The following TRPM7 variants were observed in gnomAD, a reference collection of about 807,000 sequenced individuals.
TRPM7 encodes LTRPC ion channel family member 7.
In TRPM7, 134 loss-of-function variants were observed where a neutral mutation model predicts 229.7. That is an observed-to-expected ratio of 0.58 (90% CI 0.51 to 0.67). TRPM7 has a LOEUF of 0.67. Ranked by LOEUF, TRPM7 falls within the 30% of genes least tolerant of loss-of-function variation. The pLI is 0.00. For synonymous variants in TRPM7, 699 were observed against 715.2 expected, an observed-to-expected ratio of 0.98 and a Z score of 0.36; for missense variants, 1,901 against 2,210.0, an observed-to-expected ratio of 0.86 and a Z score of 2.80.
At chr15:50,584,204 G>A (rs2054569652) in intron 28 of TRPM7, among the ~76,000 whole-genome samples, 1 of 152,164 alleles carries the variant, frequency 6.6e-6, no homozygotes, top group South Asian at 2.1e-4. Flanking sequence ...TCAGAATGAA[G>A]AAAGGAAAAT....
At chr15:50,580,831 CTA>C (rs1566950428) in intron 30 of TRPM7, 41 bp downstream of exon 30, 1 of 1,560,188 alleles carries the variant, frequency 6.4e-7, no homozygotes, top group East Asian at 2.3e-5. Context: ...CATTCAATAA[CTA>C]TGATACTTCG....
In TRPM7 at chr15:50,583,119, A is replaced by G; in HGVS notation, c.4527T>C (p.His1509=). The G allele has an allele frequency of 6.2e-7, 1 of 1,608,686 alleles. No homozygotes were observed. The highest frequency in any genetic ancestry group is 8.5e-7 in the Non-Finnish European group (1 of 1,178,142). ...ISRRPSTEDT[H]EVDSKAALIP... ...TTAAAGCTGCTTTGGAATCTACTTC[A>G]TGAGTGTCTTCGGTAGATGGCCTTC... The change falls in exon 29 of 39, where the codon CAT becomes CAC. Residue 1509 remains histidine (H), a synonymous_variant. Coordinates refer to ENST00000646667, the MANE Select transcript of TRPM7 (RefSeq NM_017672.6).
chr15:50,649,981 G>C (rs747141331), intron 3 of TRPM7, among the ~76,000 whole-genome samples: 2 of 151,898 alleles, frequency 1.3e-5, no homozygotes, highest in Non-Finnish European at 2.9e-5. Flanking sequence ...GATTACCTGA[G>C]GTCAGGAGTT....
At chr15:50,657,003 A>C (rs186322667) in intron 3 of TRPM7, among the ~76,000 whole-genome samples, 71 of 152,216 alleles carry the variant, frequency 4.7e-4, no homozygotes, top group African/African-American at 1.6e-3. Context: ...CTTCCAATCC[A>C]ATCTAAAAAT....
intron 21 of TRPM7, among the ~76,000 whole-genome samples, chr15:50,600,572 A>C (rs1181280299): frequency 1.3e-5 from 2 of 152,358 alleles, no homozygotes; most frequent in African/African-American, 4.8e-5. Flanking sequence ...ATTTACAATA[A>C]ATCTGTACAT....
At chr15:50,605,250 T>G in intron 20 of TRPM7, 106 bp from the exon 21 acceptor site, 1 of 991,366 alleles carries the variant, frequency 1.0e-6, no homozygotes, top group South Asian at 1.9e-5. Flanking sequence ...TAGCTTTTAT[T>G]TATTAACTTA....
At chr15:50,670,527 C>T (rs1401519853) in intron 1 of TRPM7, among the ~76,000 whole-genome samples, 2 of 152,072 alleles carry the variant, frequency 1.3e-5, no homozygotes, top group Admixed American at 1.3e-4. Context: ...TACTAAAAGA[C>T]ACTCTAACCA....
At chr15:50,588,701 G>GT (rs1416907588) in intron 27 of TRPM7, among the ~76,000 whole-genome samples, 6 of 152,152 alleles carry the variant, frequency 3.9e-5, no homozygotes, top group Non-Finnish European at 7.4e-5. Flanking sequence ...CTTTCTAGGT[G>GT]TTTTTAATTA....
At chr15:50,617,545 TATAGG>T (rs1373279281) in intron 13 of TRPM7, among the ~76,000 whole-genome samples, 9 of 152,228 alleles carry the variant, frequency 5.9e-5, no homozygotes, top group Non-Finnish European at 7.4e-5. Context: ...CGGTTCTTCC[TATAGG>T]ATAGTAGTTT....
intron 13 of TRPM7, among the ~76,000 whole-genome samples, 198 bp downstream of exon 13, chr15:50,619,547 T>C (rs1004372561): frequency 1.3e-5 from 2 of 152,046 alleles, no homozygotes; most frequent in Admixed American, 1.3e-4. Flanking sequence ...ATAAACTCTC[T>C]TTTTTTCTTG....
Position 50,592,091 on chromosome 15 carries a change from GATTTTT to G in TRPM7, c.4138_4143del (p.Lys1380_Asn1381del), listed in dbSNP as rs765978616. ...CTAGTAGATGAACTGCCTAATTTTT[GATTTTT>G]ATTAAATATTTTTAAGAGTTCTACC... On this transcript the variant is annotated inframe_deletion, in exon 26 of 39. Transcript: ENST00000646667. The G allele has an allele frequency of 2.1e-4, 342 of 1,609,702 alleles. No homozygotes were observed. The highest frequency in any genetic ancestry group is 2.8e-4 in the Non-Finnish European group (330 of 1,179,014).
chr15:50,629,158 T>TTATCTATTAC (rs1555421452), intron 10 of TRPM7, among the ~76,000 whole-genome samples: 12 of 150,968 alleles, frequency 7.9e-5, no homozygotes, highest in African/African-American at 1.7e-4. Flanking sequence ...GGTACAAGGA[T>TTATCTATTAC]ATATACTTTA....
intron 26 of TRPM7, among the ~76,000 whole-genome samples, chr15:50,591,452 T>C (rs887551410): frequency 6.6e-6 from 1 of 151,992 alleles, no homozygotes; most frequent in Non-Finnish European, 1.5e-5. Flanking sequence ...ATATAACTCT[T>C]ATAGCCTAAT....
chr15:50,683,491 T>C (rs919573127), intron 1 of TRPM7, among the ~76,000 whole-genome samples: 4 of 150,598 alleles, frequency 2.7e-5, no homozygotes, highest in South Asian at 2.1e-4. Flanking sequence ...TCCCAACACT[T>C]TGGGAGGCCG....
chr15:50,575,134 C>A lies in TRPM7; in HGVS notation c.4737G>T (p.Gly1579=). Residue 1579 remains glycine, a splice_region_variant and synonymous_variant, in exon 34 of 39, where the codon GGG becomes GGT. Coordinates refer to ENST00000646667, the MANE Select transcript of TRPM7 (RefSeq NM_017672.6). Reference sequence around the variant, plus strand: ...CCAAACGATACACTGTGACAGGCTCCCCTGCAACACAAATGGAAAAAGTTT... The same window carrying A: ...CCAAACGATACACTGTGACAGGCTCACCTGCAACACAAATGGAAAAAGTTT... ...SIPFTPVPPR[G]EPVTVYRLEE... is the part of the protein sequence containing the mutation. 6.4e-7 allele frequency: 1 copy of A among 1,556,434 alleles called. No homozygotes were observed. Among genetic ancestry groups the A allele is most frequent in the Non-Finnish European group, 8.7e-7 (1 of 1,150,406 alleles).
intron 38 of TRPM7, among the ~76,000 whole-genome samples, chr15:50,568,111 C>CA (rs57093955): frequency 0.024 from 1,928 of 81,374 alleles, 84 homozygotes; most frequent in African/African-American, 0.076. Context: ...GACTCTGTCT[C>CA]AAAAAAAAAA....
At position 50,657,785 on chromosome 15, in the gene TRPM7, C is replaced by T. The variant is rs753839770; in HGVS notation, c.118G>A (p.Val40Ile). The T allele has an allele frequency of 1.3e-5, 21 of 1,610,956 alleles. No homozygotes were observed. The Middle Eastern group carries it at 5.0e-4, about 38-fold the overall frequency. Residue 40 changes from valine (V) to isoleucine (I), a missense_variant, in exon 3 of 39, where the codon GTC (valine) becomes ATC (isoleucine). By Grantham distance (29) the Val-to-Ile change is conservative (BLOSUM62 3). Transcript: ENST00000646667. ...LPGCQICQQL[V>I]RCFCGRLVKQ... Reference sequence around the variant, plus strand: ...GTATAGTTATGTTAAACTTACCTGACGAGTTGCTGACAAATTTGACATCCT... The same window carrying T: ...GTATAGTTATGTTAAACTTACCTGATGAGTTGCTGACAAATTTGACATCCT...
At chr15:50,648,548 A>G (rs2061332695) in intron 4 of TRPM7, 139 bp downstream of exon 4, 2 of 594,868 alleles carry the variant, frequency 3.4e-6, no homozygotes, top group Admixed American at 6.8e-5. Context: ...ATACAATTCT[A>G]TATTTGTATG....
chr15:50,611,012 AT>A, intron 17 of TRPM7, 80 bp downstream of exon 17: 2 of 1,141,574 alleles, frequency 1.8e-6, no homozygotes, highest in Non-Finnish European at 2.6e-6. Context: ...ACATCAAGGC[AT>A]TTTACTACAC....
Sources: allele counts gnomAD v4.1 joint callset (sites outside exome capture counted in the v4.1 genomes callset), GRCh38; gene constraint gnomAD v4.1.1; transcripts MANE v1.5; gene names NCBI Gene and HGNC (gene_info 2026-07-23, HGNC 2026-07-21).